The following DGKI variants were observed in gnomAD, a reference collection of about 807,000 sequenced individuals.
DGKI encodes DAG kinase iota.
In DGKI, 55 loss-of-function variants were observed where a neutral mutation model predicts 147.5. That is an observed-to-expected ratio of 0.37 (90% CI 0.30 to 0.47). The LOEUF (loss-of-function observed/expected upper bound fraction) is 0.47. Ranked by LOEUF, DGKI falls within the 20% of genes least tolerant of loss-of-function variation. The pLI, the probability that DGKI is intolerant of heterozygous loss-of-function variation, is 1.00. For missense variants in DGKI, 1,007 were observed against 1,323.8 expected (o/e 0.76, Z 3.71); for synonymous variants, 469 against 477.1 (o/e 0.98, Z 0.22).
Position 137,585,278 on chromosome 7 carries a change from A to G in DGKI, c.1494T>C (p.Asp498=), listed in dbSNP as rs1819349317. 1.9e-6 allele frequency: 3 copies of G among 1,614,128 alleles called. No individual in the cohort carries two copies. The East Asian group carries it at 6.7e-5, about 36-fold the overall frequency. ...QVEDGTVVQL[D]RWNLHVERNP... is the part of the protein sequence containing the mutation. ...TTCTTTCCACATGGAGGTTCCAGCG[A>G]TCTAGCTGTACAACTGTCCCATCTT... The change falls in exon 14 of 33, where the codon GAT becomes GAC. Residue 498 remains aspartate (D), a synonymous_variant. Coordinates refer to ENST00000614521, the MANE Select transcript of DGKI (RefSeq NM_001321708.2).
intron 27 of DGKI, among the ~76,000 whole-genome samples, chr7:137,460,378 G>A (rs986896856): frequency 6.6e-6 from 1 of 152,134 alleles, no homozygotes; most frequent in Non-Finnish European, 1.5e-5. Flanking sequence ...TATGTATGAT[G>A]CAATATTCTA....
In DGKI at chr7:137,719,537, C is replaced by T. The variant is rs79329977; in HGVS notation, c.402-29535G>A. On this transcript the variant is annotated intron_variant, in intron 1 of 32. Coordinates refer to ENST00000614521, the MANE Select transcript of DGKI (RefSeq NM_001321708.2). ...AGGGATTCACAAATGAAGTACTCGA[C>T]GGGATTCATCTGAGGCTGGTTGGGA... 8.4e-3 allele frequency among the ~76,000 whole-genome samples: 1,284 copies of T among 152,112 alleles called. 22 individuals are homozygous for T. Among genetic ancestry groups the T allele is most frequent in the African/African-American group, 0.03 (1,234 of 41,484 alleles).
intron 3 of DGKI, among the ~76,000 whole-genome samples, chr7:137,657,598 G>A (rs1157520331): frequency 3.3e-5 from 5 of 152,156 alleles, no homozygotes; most frequent in African/African-American, 1.2e-4. Context: ...CTGTGTTTGA[G>A]CCTGAAAGAA....
intron 28 of DGKI, among the ~76,000 whole-genome samples, chr7:137,423,780 C>A (rs12535976): frequency 2.0e-5 from 3 of 151,960 alleles, no homozygotes; most frequent in African/African-American, 4.8e-5. Flanking sequence ...AATGCACATA[C>A]GGCAAAAGTG....
At chr7:137,484,557 A>G (rs560240363) in intron 23 of DGKI, among the ~76,000 whole-genome samples, 13 of 152,102 alleles carry the variant, frequency 8.5e-5, no homozygotes, top group Middle Eastern at 3.4e-3. Context: ...CCAGTCAAAG[A>G]GCTTTGTTTG....
intron 11 of DGKI, among the ~76,000 whole-genome samples, chr7:137,599,373 T>A (rs1435786742): frequency 2.0e-5 from 3 of 152,008 alleles, no homozygotes; most frequent in Non-Finnish European, 4.4e-5. Context: ...TGATTCTCTC[T>A]CTCTCACACA....
At chr7:137,838,790 C>T (rs1022756500) in intron 1 of DGKI, among the ~76,000 whole-genome samples, 1 of 152,180 alleles carries the variant, frequency 6.6e-6, no homozygotes, top group Admixed American at 6.5e-5. Context: ...ATATATTCTG[C>T]TGTTTGGCCT....
intron 32 of DGKI, 38 bp downstream of exon 32, chr7:137,395,559 GC>G: frequency 6.3e-7 from 1 of 1,583,664 alleles, no homozygotes; most frequent in Non-Finnish European, 8.7e-7. Flanking sequence ...CTGCGATCTC[GC>G]CCAGCGGGAG....
chr7:137,530,904 A>C, intron 20 of DGKI, among the ~76,000 whole-genome samples: 1 of 152,170 alleles, frequency 6.6e-6, no homozygotes, highest in Admixed American at 6.5e-5. Context: ...AATACAAAAG[A>C]GAAGAATTTC....
intron 32 of DGKI, 51 bp from the exon 33 acceptor site, chr7:137,391,387 G>A: frequency 7.8e-7 from 1 of 1,290,050 alleles, no homozygotes. Flanking sequence ...ATAGACACAA[G>A]CGCTAGTCGT....
Position 137,623,562 on chromosome 7 carries a change from A to G in DGKI, c.805-8T>C. 1 of 1,612,994 alleles carries G rather than the reference A, an allele frequency of 6.2e-7. No individual in the cohort carries two copies. The highest frequency in any genetic ancestry group is 8.5e-7 in the Non-Finnish European group (1 of 1,178,964). On this transcript the variant is annotated splice_polypyrimidine_tract_variant and splice_region_variant and intron_variant, in intron 6 of 32. Transcript: ENST00000614521. Reference sequence around the variant, plus strand: ...GAACTTTTGCTGGAAGCCCTGGGATATTAGAACAAGAGACAGATAATTTAA... The same window carrying G: ...GAACTTTTGCTGGAAGCCCTGGGATGTTAGAACAAGAGACAGATAATTTAA...
In DGKI at chr7:137,469,421, C is replaced by T. The variant is rs1814793509; in HGVS notation, c.2443+129G>A. The T allele has an allele frequency of 1.1e-5, 9 of 846,222 alleles. No individual in the cohort carries two copies. In the South Asian group the frequency reaches 1.5e-4, roughly 14 times the overall value. 52.4% of individuals were successfully genotyped at this position (846,222 alleles called of 1,614,324 possible). On this transcript the variant is annotated intron_variant, in intron 24 of 32. Coordinates refer to ENST00000614521, the MANE Select transcript of DGKI (RefSeq NM_001321708.2). The stretch of plus-strand genomic sequence containing the variant: ...CCCACATTGTTCCGCATGCCAATAC[C>T]AGCCATGTGGAGTCACATGAAGGCT...
intron 3 of DGKI, among the ~76,000 whole-genome samples, chr7:137,663,080 T>G (rs1161052116): frequency 1.3e-5 from 2 of 152,260 alleles, no homozygotes; most frequent in Non-Finnish European, 2.9e-5. Context: ...AGATTCCATA[T>G]GGCTGAAACA....
intron 20 of DGKI, among the ~76,000 whole-genome samples, chr7:137,530,111 A>G (rs1424129525): frequency 6.6e-6 from 1 of 152,154 alleles, no homozygotes; most frequent in Non-Finnish European, 1.5e-5. Flanking sequence ...TGAACAACTC[A>G]TTGCCCCAGA....
At chr7:137,547,890 T>A (rs1030171897) in intron 20 of DGKI, among the ~76,000 whole-genome samples, 3 of 151,956 alleles carry the variant, frequency 2.0e-5, no homozygotes, top group Non-Finnish European at 2.9e-5. Flanking sequence ...GAGCGAGGAG[T>A]TAGCAGAAGA....
intron 21 of DGKI, among the ~76,000 whole-genome samples, chr7:137,493,403 G>C (rs1815845163): frequency 1.3e-5 from 2 of 152,150 alleles, no homozygotes; most frequent in African/African-American, 4.8e-5. Context: ...ATGTACAAAT[G>C]AGCACAGATC....
At chr7:137,728,081 C>CAAGAAA (rs1170864424) in intron 1 of DGKI, among the ~76,000 whole-genome samples, 1 of 152,096 alleles carries the variant, frequency 6.6e-6, no homozygotes, top group Non-Finnish European at 1.5e-5. Flanking sequence ...TGAAAAATGG[C>CAAGAAA]AAAAGTTATT....
intron 12 of DGKI, among the ~76,000 whole-genome samples, chr7:137,589,584 T>A (rs188311823): frequency 6.6e-6 from 1 of 152,338 alleles, no homozygotes; most frequent in African/African-American, 2.4e-5. Flanking sequence ...TGACATTGTT[T>A]CTGCACTGCT....
At chr7:137,813,155 G>C (rs1199625481) in intron 1 of DGKI, among the ~76,000 whole-genome samples, 1 of 152,184 alleles carries the variant, frequency 6.6e-6, no homozygotes, top group African/African-American at 2.4e-5. Context: ...AGGGGGACCA[G>C]GTACAGTTCT....
Sources: allele counts gnomAD v4.1 joint callset (sites outside exome capture counted in the v4.1 genomes callset), GRCh38; gene constraint gnomAD v4.1.1; transcripts MANE v1.5; gene names NCBI Gene and HGNC (gene_info 2026-07-23, HGNC 2026-07-21).